Variants in MAD1L1 observed in about 807,000 individuals in gnomAD.
MAD1L1 encodes the protein mitotic arrest deficient 1 like 1, also known as mitotic spindle assembly checkpoint protein MAD1.
Under a neutral mutation model 96.9 loss-of-function variants are expected in MAD1L1, and 95 were observed. That is an observed-to-expected ratio of 0.98 (90% CI 0.83 to 1.16). MAD1L1 has a LOEUF of 1.16. MAD1L1 is among the 50% of genes most tolerant of loss of function. The pLI is 0.00. For missense variants in MAD1L1, 1,007 were observed against 954.4 expected, an observed-to-expected ratio of 1.06 and a Z score of -0.73; for synonymous variants, 473 against 396.6, an observed-to-expected ratio of 1.19 and a Z score of -2.29.
chr7:1,890,747 G>A (rs1332893625), intron 18 of MAD1L1, among the ~76,000 whole-genome samples: 1 of 152,206 alleles, frequency 6.6e-6, no homozygotes, highest in African/African-American at 2.4e-5. Context: ...CCATCGCTCA[G>A]CACCTGAGAA....
At chr7:2,075,298 G>T (rs1456150480) in intron 11 of MAD1L1, among the ~76,000 whole-genome samples, 2 of 152,200 alleles carry the variant, frequency 1.3e-5, no homozygotes, top group African/African-American at 4.8e-5. Flanking sequence ...CAGGCGTGCA[G>T]GTAGAGGCGC....
intron 12 of MAD1L1, among the ~76,000 whole-genome samples, chr7:2,016,946 C>T (rs1486630473): frequency 1.3e-5 from 2 of 152,282 alleles, no homozygotes; most frequent in Admixed American, 6.5e-5. Flanking sequence ...GCGGACGCCG[C>T]GCAAGGCCGG....
At chr7:2,134,170 G>T (rs186612978) in intron 11 of MAD1L1, among the ~76,000 whole-genome samples, 5 of 152,106 alleles carry the variant, frequency 3.3e-5, no homozygotes, top group Admixed American at 3.3e-4. Flanking sequence ...ATTGATTTAC[G>T]GCTTTGATTT....
At position 2,146,212 on chromosome 7, in the gene MAD1L1, C is replaced by T. The variant is rs1046384691; in HGVS notation, c.1073+2940G>A. Reference sequence around the variant, plus strand: ...CGAGATGCTGCCACGTGAGCTACCCCAGCGGCACCGTCACAGCAGCACCGC... The same window carrying T: ...CGAGATGCTGCCACGTGAGCTACCCTAGCGGCACCGTCACAGCAGCACCGC... On this transcript the variant is annotated intron_variant, in intron 11 of 18. Transcript: ENST00000265854. The surrounding 1 kb of genome is among the most constrained non-coding windows in gnomAD (Gnocchi z 6.2). 2.0e-5 allele frequency among the ~76,000 whole-genome samples: 3 copies of T among 152,234 alleles called. No individual in the cohort carries two copies. Among genetic ancestry groups the T allele is most frequent in the African/African-American group, 7.2e-5 (3 of 41,456 alleles).
intron 12 of MAD1L1, among the ~76,000 whole-genome samples, chr7:2,017,819 T>C (rs913350578): frequency 6.6e-6 from 1 of 151,962 alleles, no homozygotes; most frequent in Non-Finnish European, 1.5e-5. Flanking sequence ...GAGAACGCCA[T>C]AGCAGGGGGC....
At chr7:1,889,743 C>T (rs1215158002) in intron 18 of MAD1L1, among the ~76,000 whole-genome samples, 1 of 152,212 alleles carries the variant, frequency 6.6e-6, no homozygotes, top group African/African-American at 2.4e-5. Flanking sequence ...CCGGATGCTG[C>T]TGTCAGCTGA....
At chr7:1,898,979 C>A (rs1047651092) in intron 17 of MAD1L1, among the ~76,000 whole-genome samples, 1 of 152,216 alleles carries the variant, frequency 6.6e-6, no homozygotes, top group African/African-American at 2.4e-5. Flanking sequence ...AACAGGGAGG[C>A]AGGCAGGAGG....
At chr7:1,829,077 G>A (rs1351009991) in intron 18 of MAD1L1, among the ~76,000 whole-genome samples, 4 of 152,206 alleles carry the variant, frequency 2.6e-5, no homozygotes, top group Admixed American at 6.5e-5. Flanking sequence ...CGGAAAGACA[G>A]ACATAAAGGA....
intron 17 of MAD1L1, among the ~76,000 whole-genome samples, chr7:1,933,966 G>A (rs2128462389): frequency 1.3e-5 from 2 of 152,328 alleles, no homozygotes; most frequent in South Asian, 4.1e-4. Context: ...GGTTTCCCAA[G>A]TCTACTCAGT....
intron 14 of MAD1L1, among the ~76,000 whole-genome samples, chr7:1,994,042 C>T (rs969991533): frequency 2.0e-5 from 3 of 152,228 alleles, no homozygotes; most frequent in Admixed American, 6.5e-5. Context: ...CCACCACTGC[C>T]GGTGCCAACA....
intron 18 of MAD1L1, among the ~76,000 whole-genome samples, chr7:1,878,691 T>C (rs1297229481): frequency 6.6e-6 from 1 of 151,492 alleles, no homozygotes; most frequent in South Asian, 2.1e-4. Flanking sequence ...GTCAAAATAC[T>C]GGATGCTTTC....
intron 10 of MAD1L1, among the ~76,000 whole-genome samples, chr7:2,177,672 A>G (rs961103142): frequency 6.6e-6 from 1 of 152,248 alleles, no homozygotes. Context: ...TGAAAATTAT[A>G]TAAAACCTCA....
intron 17 of MAD1L1, among the ~76,000 whole-genome samples, chr7:1,902,432 C>T (rs532093980): frequency 5.9e-5 from 9 of 152,296 alleles, no homozygotes; most frequent in East Asian, 1.9e-4. Context: ...ACAGAGATGC[C>T]GGGGCCCAGG....
At chr7:2,137,498 G>A (rs1257324852) in intron 11 of MAD1L1, among the ~76,000 whole-genome samples, 1 of 152,138 alleles carries the variant, frequency 6.6e-6, no homozygotes, top group Non-Finnish European at 1.5e-5. Context: ...TGCAAGTGAG[G>A]GGCCCACACT....
chr7:1,973,252 T>C (rs1013309259), intron 15 of MAD1L1, among the ~76,000 whole-genome samples: 1 of 152,206 alleles, frequency 6.6e-6, no homozygotes, highest in Non-Finnish European at 1.5e-5. Context: ...TCTCTGTTCA[T>C]CCCAGACACT....
intron 18 of MAD1L1, chr7:1,849,295 C>T (rs1474702692): frequency 6.6e-6 from 1 of 152,224 alleles, no homozygotes; most frequent in Non-Finnish European, 1.5e-5. Context: ...CACAAATCTC[C>T]AAGTGAGGAG....
At chr7:2,151,413 C>T (rs1421736470) in intron 10 of MAD1L1, among the ~76,000 whole-genome samples, 1 of 152,250 alleles carries the variant, frequency 6.6e-6, no homozygotes, top group Non-Finnish European at 1.5e-5. Flanking sequence ...TCACATGTCA[C>T]TGGACCTGAA....
intron 14 of MAD1L1, among the ~76,000 whole-genome samples, chr7:1,986,532 C>T (rs1328607442): frequency 1.3e-5 from 2 of 148,618 alleles, no homozygotes; most frequent in African/African-American, 2.5e-5. Context: ...GGCTCCCTCG[C>T]GCCGGCAAGG....
chr7:2,125,765 G>T (rs1026454166), intron 11 of MAD1L1, among the ~76,000 whole-genome samples: 1 of 152,228 alleles, frequency 6.6e-6, no homozygotes, highest in Non-Finnish European at 1.5e-5. Context: ...AGGGCTTCCT[G>T]GGGTCATTTA....
Sources: allele counts gnomAD v4.1 joint callset (sites outside exome capture counted in the v4.1 genomes callset), GRCh38; gene constraint gnomAD v4.1.1; non-coding constraint Gnocchi (gnomAD v3.1); transcripts MANE v1.5; gene names NCBI Gene and HGNC (gene_info 2026-07-23, HGNC 2026-07-21).